Variants in SUMF1 observed in about 807,000 individuals in gnomAD.
The protein encoded by SUMF1 is formylglycine-generating enzyme.
Under a neutral mutation model 47.6 loss-of-function variants are expected in SUMF1, and 48 were observed. The observed-to-expected ratio is 1.01, with a 90% CI of 0.80 to 1.28. The LOEUF is 1.28. Among genes scored for constraint, SUMF1 ranks in the 50% most tolerant of loss-of-function variants. The probability of loss-of-function intolerance (pLI) is 0.00; values close to 1 mark genes in which losing one functional copy is unlikely to be tolerated. For synonymous variants in SUMF1, 230 were observed against 192.1 expected, an observed-to-expected ratio of 1.20 and a Z score of -1.63; for missense variants, 571 against 485.4, an observed-to-expected ratio of 1.18 and a Z score of -1.66.
intron 8 of SUMF1, among the ~76,000 whole-genome samples, chr3:4,368,047 G>A (rs1426662126): frequency 6.6e-6 from 1 of 151,908 alleles, no homozygotes; most frequent in Admixed American, 6.6e-5. Flanking sequence ...GAGTGAACAG[G>A]CAACCTACAA....
chr3:4,445,008 G>T (rs1702731137), intron 3 of SUMF1, among the ~76,000 whole-genome samples: 1 of 152,176 alleles, frequency 6.6e-6, no homozygotes, highest in Non-Finnish European at 1.5e-5. Context: ...TAGGACTCAG[G>T]ACAGTTGCTT....
chr3:4,089,308 C>A (rs1692735112), intron 8 of SUMF1, among the ~76,000 whole-genome samples: 1 of 152,210 alleles, frequency 6.6e-6, no homozygotes, highest in Middle Eastern at 3.4e-3. Flanking sequence ...TAATACAACT[C>A]TCAACAATTG....
At chr3:4,422,868 G>A (rs904737079) in intron 3 of SUMF1, among the ~76,000 whole-genome samples, 1 of 151,890 alleles carries the variant, frequency 6.6e-6, no homozygotes, top group Non-Finnish European at 1.5e-5. Flanking sequence ...AAGTGCTTTG[G>A]TGGTGATTTG....
intron 8 of SUMF1, among the ~76,000 whole-genome samples, chr3:4,159,069 G>C (rs191639601): frequency 1.3e-5 from 2 of 151,162 alleles, no homozygotes; most frequent in Non-Finnish European, 2.9e-5. Context: ...TTTCTACTTC[G>C]ATATGAATAG....
intron 8 of SUMF1, among the ~76,000 whole-genome samples, chr3:4,212,614 G>C (rs564648764): frequency 1.3e-5 from 2 of 152,082 alleles, no homozygotes; most frequent in Non-Finnish European, 2.9e-5. Flanking sequence ...AAACTCCTCT[G>C]AGCTAAAGGA....
intron 1 of SUMF1, among the ~76,000 whole-genome samples, chr3:4,459,694 C>T (rs967653866): frequency 1.3e-5 from 2 of 152,192 alleles, no homozygotes; most frequent in African/African-American, 4.8e-5. Context: ...ACACAGGCCA[C>T]CTAGTCTCAC....
At chr3:4,108,430 C>T (rs1043628784) in intron 8 of SUMF1, among the ~76,000 whole-genome samples, 5 of 152,050 alleles carry the variant, frequency 3.3e-5, no homozygotes, top group African/African-American at 1.2e-4. Flanking sequence ...CTGTATATGT[C>T]TATTAGGTCC....
At chr3:4,414,469 A>C (rs1384392271) in intron 6 of SUMF1, 2 of 152,282 alleles carry the variant, frequency 1.3e-5, no homozygotes, top group Non-Finnish European at 2.9e-5. Context: ...AGAGCAGCTT[A>C]GGTGGACTTG....
At chr3:4,098,215 C>A (rs7612596) in intron 8 of SUMF1, among the ~76,000 whole-genome samples, 8,747 of 152,044 alleles carry the variant, frequency 0.058, 510 homozygotes, top group African/African-American at 0.14. Context: ...GCTCCCCTAG[C>A]AGCACCAGGG....
chr3:4,193,535 G>C (rs1247009717), intron 8 of SUMF1, among the ~76,000 whole-genome samples: 3 of 152,052 alleles, frequency 2.0e-5, no homozygotes, highest in African/African-American at 7.2e-5. Flanking sequence ...TGTAGAGTCT[G>C]TGCCAACTCC....
In SUMF1 at chr3:4,362,091, A is replaced by T; in HGVS notation, c.*53T>A. On this transcript the variant is annotated 3_prime_UTR_variant, in exon 9 of 9. Transcript: ENST00000272902. ...TCGTTCAAAGTTCTGAGAAAAGCCC[A>T]ATGTAGGTCAGACACGACTGCTCCT... 1 of 1,538,878 alleles carries T rather than the reference A, an allele frequency of 6.5e-7. No homozygotes were observed. The highest frequency in any genetic ancestry group is 9.0e-7 in the Non-Finnish European group (1 of 1,113,292).
chr3:4,409,480 A>G (rs1701475093), intron 7 of SUMF1, among the ~76,000 whole-genome samples: 1 of 152,186 alleles, frequency 6.6e-6, no homozygotes, highest in African/African-American at 2.4e-5. Context: ...GCTCAGCTCC[A>G]CACCAGATGG....
At chr3:4,181,140 TC>T (rs1346912230) in intron 8 of SUMF1, among the ~76,000 whole-genome samples, 1 of 152,194 alleles carries the variant, frequency 6.6e-6, no homozygotes, top group East Asian at 1.9e-4. Flanking sequence ...CAAGGGTGTC[TC>T]CCATTGTGCT....
chr3:4,284,167 G>A (rs1383400462), intron 8 of SUMF1, among the ~76,000 whole-genome samples: 2 of 151,980 alleles, frequency 1.3e-5, no homozygotes, highest in Non-Finnish European at 2.9e-5. Context: ...TAGAACGCTA[G>A]CACTTTGGGA....
At chr3:4,355,436 AATCTT>A (rs907208777) in intron 8 of SUMF1, among the ~76,000 whole-genome samples, 17 of 152,296 alleles carry the variant, frequency 1.1e-4, no homozygotes, top group Admixed American at 1.1e-3. Flanking sequence ...AAATAAATAA[AATCTT>A]ATTTGGCAAA....
chr3:4,087,242 G>C (rs1417016030), intron 8 of SUMF1, among the ~76,000 whole-genome samples: 1 of 152,164 alleles, frequency 6.6e-6, no homozygotes, highest in East Asian at 1.9e-4. Flanking sequence ...TATTTAATCT[G>C]ATTGCCTCAG....
intron 3 of SUMF1, among the ~76,000 whole-genome samples, chr3:4,425,985 T>C (rs1237037191): frequency 6.6e-6 from 1 of 152,132 alleles, no homozygotes; most frequent in Non-Finnish European, 1.5e-5. Flanking sequence ...GACTTCACTC[T>C]CACAAGAACA....
At chr3:4,165,271 A>C (rs949716835) in intron 8 of SUMF1, among the ~76,000 whole-genome samples, 20 of 152,096 alleles carry the variant, frequency 1.3e-4, no homozygotes, top group African/African-American at 4.6e-4. Context: ...TACCTTGGCA[A>C]GATCAGGTCT....
chr3:4,387,997 C>G (rs1191024862), intron 7 of SUMF1, among the ~76,000 whole-genome samples: 3 of 152,054 alleles, frequency 2.0e-5, no homozygotes, highest in African/African-American at 7.2e-5. Flanking sequence ...AGGATATGGT[C>G]TAACTTGGTA....
Sources: allele counts gnomAD v4.1 joint callset (sites outside exome capture counted in the v4.1 genomes callset), GRCh38; gene constraint gnomAD v4.1.1; transcripts MANE v1.5; gene names NCBI Gene and HGNC (gene_info 2026-07-23, HGNC 2026-07-21).